The following SGK1 variants were observed in gnomAD, a reference collection of about 807,000 sequenced individuals.
SGK1 encodes the protein serum/glucocorticoid regulated kinase 1, also known as serine/threonine-protein kinase Sgk1.
A neutral mutation model predicts 64.2 loss-of-function variants in SGK1; 26 were observed. That is an observed-to-expected ratio of 0.40 (90% CI 0.30 to 0.56). The LOEUF (loss-of-function observed/expected upper bound fraction) is 0.56. SGK1 is among the 20% of genes least tolerant of loss of function. The pLI is 0.38. For missense variants in SGK1, 519 were observed against 645.6 expected (o/e 0.80, Z 2.12); for synonymous variants, 265 against 239.7 (o/e 1.11, Z -0.98).
chr6:134,228,088 T>C (rs980352035), intron 2 of SGK1, among the ~76,000 whole-genome samples: 1 of 151,650 alleles, frequency 6.6e-6, no homozygotes, highest in Non-Finnish European at 1.5e-5. Context: ...CCCGAGTAGC[T>C]GGGATTACAG....
intron 2 of SGK1, 90 bp from the exon 3 acceptor site, chr6:134,207,521 A>G (rs1775813076): frequency 1.1e-5 from 10 of 875,754 alleles, no homozygotes; most frequent in Non-Finnish European, 1.9e-5. Flanking sequence ...AAGGATTCCA[A>G]GGCTGAAACT....
At chr6:134,234,469 C>CA (rs1305282192) in intron 2 of SGK1, among the ~76,000 whole-genome samples, 2 of 152,152 alleles carry the variant, frequency 1.3e-5, no homozygotes, top group African/African-American at 2.4e-5. Flanking sequence ...GAAGGAGAGA[C>CA]AAAAAGACCA....
At chr6:134,197,005 G>A (rs889975165) in intron 3 of SGK1, among the ~76,000 whole-genome samples, 1 of 152,130 alleles carries the variant, frequency 6.6e-6, no homozygotes, top group Non-Finnish European at 1.5e-5. Context: ...GGCTGAGGCG[G>A]ACAGATCACT....
chr6:134,312,417 T>A (rs1456100391), intron 1 of SGK1, among the ~76,000 whole-genome samples: 1 of 152,216 alleles, frequency 6.6e-6, no homozygotes, highest in Non-Finnish European at 1.5e-5. Flanking sequence ...TTGTGAAGAA[T>A]AAGCACTTCA....
At chr6:134,316,189 C>T (rs568298204) in intron 1 of SGK1, among the ~76,000 whole-genome samples, 1 of 152,340 alleles carries the variant, frequency 6.6e-6, no homozygotes. Flanking sequence ...GGCCCTCTAG[C>T]TGGGCCTGAC....
chr6:134,174,393 A>T (rs2114639492), intron 4 of SGK1, 118 bp downstream of exon 4: 1 of 695,724 alleles, frequency 1.4e-6, no homozygotes, highest in Admixed American at 2.8e-5. Flanking sequence ...TTTAAGGAGA[A>T]ATGAGATCCC....
intron 1 of SGK1, among the ~76,000 whole-genome samples, chr6:134,266,769 T>TA (rs1362653390): frequency 2.6e-5 from 4 of 152,238 alleles, no homozygotes; most frequent in African/African-American, 9.6e-5. Context: ...AATGAAACTT[T>TA]AAAAGTTTGA....
At chr6:134,286,223 G>C (rs541572235) in intron 1 of SGK1, among the ~76,000 whole-genome samples, 29 of 152,156 alleles carry the variant, frequency 1.9e-4, no homozygotes, top group Non-Finnish European at 3.4e-4. Context: ...AGGTTTGAAC[G>C]TAAGAGTATA....
intron 1 of SGK1, among the ~76,000 whole-genome samples, chr6:134,275,723 C>G (rs1272346171): frequency 6.6e-6 from 1 of 152,098 alleles, no homozygotes; most frequent in African/African-American, 2.4e-5. Flanking sequence ...GGTCTGGACG[C>G]CTATCTTCTA....
In SGK1 at chr6:134,207,403, A is replaced by T. The variant is rs1250809298; in HGVS notation, c.314T>A (p.Ile105Asn). ...EVREPCNHAN[I>N]LTKPDPRTFW... ...GGTTCTTGGATCGGGCTTGGTCAGG[A>T]TGTTGGCATGATTACATGGCTCTCT... The change falls in exon 3 of 14, where the codon ATC becomes AAC. Residue 105 changes from isoleucine to asparagine, a missense_variant. Physicochemically the swap from Ile to Asn is moderately radical, Grantham distance 149 (BLOSUM62 -3). Transcript: ENST00000367858. The T allele has an allele frequency of 6.2e-7, 1 of 1,612,382 alleles. No individual in the cohort carries two copies. The highest frequency in any genetic ancestry group is 8.5e-7 in the Non-Finnish European group (1 of 1,178,590).
intron 3 of SGK1, chr6:134,176,056 TTC>T: frequency 2.2e-6 from 2 of 919,186 alleles, no homozygotes; most frequent in Non-Finnish European, 2.6e-6. Context: ...TGTAATTTTT[TTC>T]CTTGCATTTT....
chr6:134,253,016 A>G (rs1328769540), intron 2 of SGK1, among the ~76,000 whole-genome samples: 2 of 152,226 alleles, frequency 1.3e-5, no homozygotes, highest in Non-Finnish European at 2.9e-5. Context: ...AACTCAAGAC[A>G]ATATAAAAGT....
chr6:134,194,733 G>A (rs1322316977), intron 3 of SGK1, among the ~76,000 whole-genome samples: 1 of 152,064 alleles, frequency 6.6e-6, no homozygotes, highest in Non-Finnish European at 1.5e-5. Context: ...ATGTCGGCCA[G>A]GCTGGTCTTG....
intron 1 of SGK1, among the ~76,000 whole-genome samples, chr6:134,270,427 A>C (rs1776921652): frequency 6.7e-6 from 1 of 148,262 alleles, no homozygotes; most frequent in Admixed American, 6.9e-5. Flanking sequence ...AGGTAATAAA[A>C]ATAGGAATCT....
At chr6:134,240,970 G>C (rs1159818251) in intron 2 of SGK1, among the ~76,000 whole-genome samples, 1 of 151,708 alleles carries the variant, frequency 6.6e-6, no homozygotes, top group Non-Finnish European at 1.5e-5. Flanking sequence ...GGGCATCAGA[G>C]AAAATGTTTC....
chr6:134,188,564 G>A (rs924785226), intron 3 of SGK1, among the ~76,000 whole-genome samples: 1 of 152,116 alleles, frequency 6.6e-6, no homozygotes, highest in African/African-American at 2.4e-5. Context: ...TAATTCAGCG[G>A]TGTTACCCAT....
chr6:134,173,837 T>G, intron 5 of SGK1, 168 bp downstream of exon 5: 1 of 610,506 alleles, frequency 1.6e-6, no homozygotes, highest in African/African-American at 1.9e-5. Context: ...AAAAATAAAA[T>G]AATACTCTGA....
rs776865684 is a variant in SGK1 at position 134,174,819 on chromosome 6, G to A, written c.362-233C>T. On this transcript the variant is annotated intron_variant, in intron 3 of 13. Coordinates refer to ENST00000367858, the MANE Select transcript of SGK1 (RefSeq NM_001143676.3). ...GTTTTCACCGTCATCACCACCGCGG[G>A]GAGACAGAAAGACGTTAGCGCTCAA... is the stretch of plus-strand genomic sequence containing the variant. 1.2e-4 allele frequency: 195 copies of A among 1,613,944 alleles called. 3 individuals carry two copies. The South Asian group carries it at 1.9e-3, about 15-fold the overall frequency.
At chr6:134,260,374 A>ACCCCCCCCCCCCC (rs34069435) in intron 2 of SGK1, 10 of 113,160 alleles carry the variant, frequency 8.8e-5, no homozygotes, top group Non-Finnish European at 1.4e-4. Flanking sequence ...CCCGACCCCC[A>ACCCCCCCCCCCCC]CCCCCCCCAA....
Sources: allele counts gnomAD v4.1 joint callset (sites outside exome capture counted in the v4.1 genomes callset), GRCh38; gene constraint gnomAD v4.1.1; transcripts MANE v1.5; gene names NCBI Gene and HGNC (gene_info 2026-07-23, HGNC 2026-07-21).